The following RPL27 variants were observed in gnomAD, a reference collection of about 807,000 sequenced individuals.
The protein encoded by RPL27 is large ribosomal subunit protein eL27.
For missense variants in RPL27, 131 were observed against 174.3 expected, an observed-to-expected ratio of 0.75 and a Z score of 1.40; for synonymous variants, 77 against 61.0, an observed-to-expected ratio of 1.26 and a Z score of -1.22.
chr17:42,998,892 C>A, intron 2 of RPL27, 61 bp downstream of exon 2: 2 of 1,429,808 alleles, frequency 1.4e-6, no homozygotes, highest in Non-Finnish European at 2.0e-6. Context: ...TGCGGCGGGG[C>A]GGGCAGGCTT....
chr17:43,001,472 T>A (rs1210078595), intron 3 of RPL27, among the ~76,000 whole-genome samples: 1 of 49,182 alleles, frequency 2.0e-5, no homozygotes. Context: ...CTAAAAAAAA[T>A]TAGCTGGGCA....
At chr17:43,002,322 T>A (rs529484751) in intron 3 of RPL27, among the ~76,000 whole-genome samples, 13 of 141,256 alleles carry the variant, frequency 9.2e-5, no homozygotes, top group South Asian at 4.7e-4. Flanking sequence ...TGGCTAACAC[T>A]GTGAAACCCC....
At chr17:43,001,160 G>A (rs572973891) in intron 3 of RPL27, among the ~76,000 whole-genome samples, 7 of 151,768 alleles carry the variant, frequency 4.6e-5, no homozygotes, top group Admixed American at 2.0e-4. Flanking sequence ...TGGCTAACAC[G>A]GTGAACCTGG....
chr17:42,998,969 T>C, intron 2 of RPL27, 138 bp downstream of exon 2: 2 of 641,098 alleles, frequency 3.1e-6, no homozygotes, highest in South Asian at 3.6e-5. Flanking sequence ...GGGAGAGTTT[T>C]TGAGAGAGGA....
At position 42,998,431 on chromosome 17, in the gene RPL27, C is replaced by T; in HGVS notation, c.-43C>T. Reference sequence around the variant, plus strand: ...GGGGTGAAAGGTTAGCGGAAGTGTCCTTCTTTCCTTTTTGCTGGTAGGGCC... The same window carrying T: ...GGGGTGAAAGGTTAGCGGAAGTGTCTTTCTTTCCTTTTTGCTGGTAGGGCC... On this transcript the variant is annotated 5_prime_UTR_variant, in exon 1 of 5. Coordinates refer to ENST00000253788, the MANE Select transcript of RPL27 (RefSeq NM_000988.5). The T allele has an allele frequency of 1.0e-5, 2 of 190,632 alleles. No homozygotes were observed. The highest frequency in any genetic ancestry group is 4.2e-5 in the South Asian group (1 of 23,616). 11.8% of individuals were successfully genotyped at this position (190,632 alleles called of 1,614,324 possible).
chr17:42,998,929 G>T (rs753498904), intron 2 of RPL27, 98 bp downstream of exon 2: 4 of 951,720 alleles, frequency 4.2e-6, no homozygotes, highest in Non-Finnish European at 3.4e-6. Context: ...TTCTGGGGCA[G>T]TAGCCAGTGA....
Position 43,002,792 on chromosome 17 carries a change from G to A in RPL27, c.362+9G>A, listed in dbSNP as rs751770685. The A allele has an allele frequency of 6.5e-5, 104 of 1,608,670 alleles. No homozygotes were observed. The highest frequency in any genetic ancestry group is 8.8e-5 in the Non-Finnish European group (104 of 1,175,192). On this transcript the variant is annotated intron_variant, in intron 4 of 4. Coordinates refer to ENST00000253788, the MANE Select transcript of RPL27 (RefSeq NM_000988.5). The stretch of plus-strand genomic sequence containing the variant: ...GTCAAGTTTGAAGAGAGGTAAGTAG[G>A]CTTTGGTAGTGAATGGTGGAGTATG...
intron 3 of RPL27, 86 bp from the exon 4 acceptor site, chr17:43,002,587 A>T: frequency 1.3e-6 from 1 of 749,650 alleles, no homozygotes; most frequent in Non-Finnish European, 2.4e-6. Context: ...TCAGACCCTG[A>T]TTCCCTAGTG....
chr17:42,998,787 G>C lies in RPL27; in HGVS notation c.37G>C (p.Val13Leu), dbSNP rs1289898955. The C allele has an allele frequency of 6.2e-7, 1 of 1,614,040 alleles. No homozygotes were observed. Among genetic ancestry groups the C allele is most frequent in the Non-Finnish European group, 8.5e-7 (1 of 1,179,964 alleles). ...KFMKPGKVVL[V>L]LAGRYSGRKA... is the part of the protein sequence containing the mutation. ...CATGAAACCTGGGAAGGTGGTGCTT[G>C]TCCTGGCTGGACGCTACTCCGGACG... The change falls in exon 2 of 5, where the codon GTC becomes CTC. Residue 13 changes from valine (V) to leucine (L), a missense_variant. Val to Leu is a conservative substitution (Grantham distance 32). Transcript: ENST00000253788.
At chr17:43,002,637 T>C (rs2050377190) in intron 3 of RPL27, 36 bp from the exon 4 acceptor site, 1 of 1,331,860 alleles carries the variant, frequency 7.5e-7, no homozygotes, top group Non-Finnish European at 1.1e-6. Context: ...CCCGGCAGTA[T>C]GTGGGCTAAT....
At chr17:43,001,800 G>A (rs1441583086) in intron 3 of RPL27, among the ~76,000 whole-genome samples, 1 of 151,404 alleles carries the variant, frequency 6.6e-6, no homozygotes, top group Non-Finnish European at 1.5e-5. Flanking sequence ...AAGTCAAGAA[G>A]GCCTAATTTG....
chr17:43,000,528 C>T (rs1294595019), intron 3 of RPL27, among the ~76,000 whole-genome samples: 5 of 145,836 alleles, frequency 3.4e-5, no homozygotes, highest in Non-Finnish European at 6.0e-5. Context: ...AGTGCAGTGG[C>T]GGGATCTCAC....
At chr17:43,002,162 T>C (rs1254602385) in intron 3 of RPL27, among the ~76,000 whole-genome samples, 1 of 151,772 alleles carries the variant, frequency 6.6e-6, no homozygotes, top group Non-Finnish European at 1.5e-5. Flanking sequence ...AAATTGAGAA[T>C]GAAACATTGA....
At chr17:43,001,299 A>G (rs1486766235) in intron 3 of RPL27, among the ~76,000 whole-genome samples, 1 of 150,552 alleles carries the variant, frequency 6.6e-6, no homozygotes, top group African/African-American at 2.5e-5. Flanking sequence ...TGCTGCTGGT[A>G]TTGCACATTT....
rs691954 is a variant in RPL27 at position 42,998,966 on chromosome 17, T to C, written c.81+135T>C. On this transcript the variant is annotated intron_variant, in intron 2 of 4. Coordinates refer to ENST00000253788, the MANE Select transcript of RPL27 (RefSeq NM_000988.5). ...CACGGTCAGGGTGAACGTGGGAGAGTTTTTGAGAGAGGAAGAAGCACAGTA... is the reference window on the plus strand; with the variant it reads ...CACGGTCAGGGTGAACGTGGGAGAGCTTTTGAGAGAGGAAGAAGCACAGTA... 662,227 of 666,184 alleles carry C rather than the reference T, an allele frequency of 0.99. 329,246 individuals are homozygous for C. The highest frequency in any genetic ancestry group is 1 in the East Asian group (36,890 of 36,890). 41.3% of individuals were successfully genotyped at this position (666,184 alleles called of 1,614,324 possible).
upstream of RPL27, chr17:42,998,400 C>G (rs927450004): frequency 1.4e-5 from 3 of 220,600 alleles, no homozygotes; most frequent in African/African-American, 7.1e-5. Context: ...GAGGTCACTC[C>G]TCACCGGGGT....
chr17:43,001,465 A>AAAAAT (rs1310949281), intron 3 of RPL27, among the ~76,000 whole-genome samples: 1 of 2,646 alleles, frequency 3.8e-4, no homozygotes. Context: ...ATCTCTACTA[A>AAAAAT]AAAAAATTAG....
chr17:43,002,432 G>A (rs1341351384), intron 3 of RPL27, among the ~76,000 whole-genome samples: 4 of 151,938 alleles, frequency 2.6e-5, no homozygotes, highest in East Asian at 1.9e-4. Context: ...GCGTGAACCC[G>A]GGAGGCGGAA....
In RPL27 at chr17:42,998,425, A is replaced by C; in HGVS notation, c.-49A>C. 1 of 227,274 alleles carries C rather than the reference A, an allele frequency of 4.4e-6. No homozygotes were observed. Among genetic ancestry groups the C allele is most frequent in the Non-Finnish European group, 8.4e-6 (1 of 119,378 alleles). The allele number at this position is 227,274 out of a possible 1,614,324, so 14.1% of individuals were successfully genotyped here. On this transcript the variant is annotated 5_prime_UTR_variant, in exon 1 of 5. Transcript: ENST00000253788. ...CTCACCGGGGTGAAAGGTTAGCGGA[A>C]GTGTCCTTCTTTCCTTTTTGCTGGT... is the stretch of plus-strand genomic sequence containing the variant.
Sources: allele counts gnomAD v4.1 joint callset (sites outside exome capture counted in the v4.1 genomes callset), GRCh38; gene constraint gnomAD v4.1.1; transcripts MANE v1.5; gene names NCBI Gene and HGNC (gene_info 2026-07-23, HGNC 2026-07-21).